Variants in TNFSF4 observed in about 807,000 individuals in gnomAD.
TNFSF4 encodes TNF superfamily member 4, also known as tumor necrosis factor ligand superfamily member 4.
A neutral mutation model predicts 7.3 loss-of-function variants in TNFSF4; 4 were observed. That is an observed-to-expected ratio of 0.55 (90% confidence interval 0.27 to 1.25). TNFSF4 has a LOEUF of 1.25. TNFSF4 is among the 50% of genes most tolerant of loss of function. The pLI, the probability that TNFSF4 is intolerant of heterozygous loss-of-function variation, is 0.12. For missense variants in TNFSF4, 181 were observed against 208.8 expected (o/e 0.87, Z 0.82); for synonymous variants, 76 against 83.7 (o/e 0.91, Z 0.50).
the TNFSF4 span, among the ~76,000 whole-genome samples, chr1:173,347,850 G>A: frequency 1.3e-5 from 2 of 152,156 alleles, no homozygotes; most frequent in East Asian, 3.9e-4. Context: ...AGAATTTAGG[G>A]CAGCACACCT....
the TNFSF4 span, among the ~76,000 whole-genome samples, chr1:173,309,943 AT>A: frequency 6.6e-6 from 1 of 151,908 alleles, no homozygotes; most frequent in Non-Finnish European, 1.5e-5. Context: ...TTTCACATAC[AT>A]TTTTAATGTA....
the TNFSF4 span, among the ~76,000 whole-genome samples, chr1:173,216,145 C>T: frequency 6.6e-6 from 1 of 152,174 alleles, no homozygotes; most frequent in Non-Finnish European, 1.5e-5. Flanking sequence ...TCCATAACAA[C>T]ATCTTACATC....
the TNFSF4 span, among the ~76,000 whole-genome samples, chr1:173,291,844 T>C: frequency 6.6e-6 from 1 of 151,944 alleles, no homozygotes. Context: ...GAAATATAAA[T>C]AGTCCTCAGA....
chr1:173,302,503 G>A, the TNFSF4 span, among the ~76,000 whole-genome samples: 2 of 151,690 alleles, frequency 1.3e-5, no homozygotes, highest in Non-Finnish European at 2.9e-5. Context: ...TCTCATTCCC[G>A]TTTTATAGAT....
At chr1:173,272,417 TG>T in the TNFSF4 span, among the ~76,000 whole-genome samples, 1 of 152,004 alleles carries the variant, frequency 6.6e-6, no homozygotes, top group Admixed American at 6.6e-5. Flanking sequence ...TGGAAAAAAT[TG>T]CATGCCCATT....
the TNFSF4 span, among the ~76,000 whole-genome samples, chr1:173,376,331 A>G: frequency 6.6e-6 from 1 of 152,310 alleles, no homozygotes; most frequent in East Asian, 1.9e-4. Context: ...CAGCAAAGTA[A>G]TACAGGAACA....
At chr1:173,227,633 C>T in the TNFSF4 span, among the ~76,000 whole-genome samples, 22 of 152,302 alleles carry the variant, frequency 1.4e-4, 1 homozygote, top group South Asian at 1.5e-3. Flanking sequence ...CAAAGCAGGG[C>T]GAGGCATCGC....
chr1:173,424,053 A>T, the TNFSF4 span, among the ~76,000 whole-genome samples: 5 of 152,266 alleles, frequency 3.3e-5, no homozygotes, highest in East Asian at 9.6e-4. Context: ...GAAAAGAACA[A>T]ACACTCCCTC....
rs1649178325 is a variant in TNFSF4, at chr1:173,185,385, G to A, written c.*1131C>T. ...TTCCATTGAAGCCCTGGCATAGGCT[G>A]ATTATAGACCCTTCTAGTTTCAATT... On this transcript the variant is annotated 3_prime_UTR_variant, in exon 3 of 3. Coordinates refer to ENST00000281834, the MANE Select transcript of TNFSF4 (RefSeq NM_003326.5). The A allele has an allele frequency of 6.6e-6, 1 of 152,160 alleles. No homozygotes were observed. Among genetic ancestry groups the A allele is most frequent in the Non-Finnish European group, 1.5e-5 (1 of 68,026 alleles). 9.4% of individuals were successfully genotyped at this position (152,160 alleles called of 1,614,324 possible). A position where few individuals can be genotyped will look rare whatever the true frequency, so the allele number is the denominator to read the frequency against.
the TNFSF4 span, among the ~76,000 whole-genome samples, chr1:173,288,571 A>G: frequency 6.6e-6 from 1 of 152,206 alleles, no homozygotes; most frequent in Non-Finnish European, 1.5e-5. Flanking sequence ...CTTTTCTCTC[A>G]TATACATGTG....
chr1:173,376,332 T>C, the TNFSF4 span, among the ~76,000 whole-genome samples: 5 of 152,022 alleles, frequency 3.3e-5, no homozygotes, highest in African/African-American at 4.8e-5. Context: ...AGCAAAGTAA[T>C]ACAGGAACAG....
Position 173,207,134 on chromosome 1 carries a change from C to A in TNFSF4, c.43G>T (p.Ala15Ser). Reference protein sequence around the residue: ...QPLEENVGNAARPRFERNKLL... With the variant: ...QPLEENVGNASRPRFERNKLL... The stretch of plus-strand genomic sequence containing the variant: ...TTGTTCCTCTCGAATCTTGGCCTGG[C>A]TGCATTTCCCACATTCTCTTCCAGG... Residue 15 changes from alanine to serine, a missense_variant, in exon 1 of 3, where the codon GCC (alanine) becomes TCC (serine). By Grantham distance (99) the Ala-to-Ser change is moderately conservative. Transcript: ENST00000281834. 6.2e-7 allele frequency: 1 copy of A among 1,613,830 alleles called. No individual in the cohort carries two copies. Among genetic ancestry groups the A allele is most frequent in the Non-Finnish European group, 8.5e-7 (1 of 1,179,836 alleles).
At chr1:173,424,300 G>C in the TNFSF4 span, among the ~76,000 whole-genome samples, 2 of 152,222 alleles carry the variant, frequency 1.3e-5, no homozygotes, top group African/African-American at 4.8e-5. Flanking sequence ...TCTATGGGAA[G>C]CATAAAGATG....
the TNFSF4 span, among the ~76,000 whole-genome samples, chr1:173,307,164 CA>C: frequency 1.3e-5 from 2 of 151,402 alleles, no homozygotes; most frequent in African/African-American, 4.8e-5. Flanking sequence ...TACTTTTTCC[CA>C]AAAATGCTGA....
the TNFSF4 span, among the ~76,000 whole-genome samples, chr1:173,263,773 G>A: frequency 1.3e-5 from 2 of 152,208 alleles, no homozygotes; most frequent in South Asian, 4.1e-4. Flanking sequence ...ATTAACCACT[G>A]AGTGTAGGCT....
chr1:173,218,451 G>A, the TNFSF4 span, among the ~76,000 whole-genome samples: 1 of 152,212 alleles, frequency 6.6e-6, no homozygotes, highest in African/African-American at 2.4e-5. Context: ...TCAGATGGCA[G>A]TGGGAAAGCC....
At chr1:173,326,257 G>A in the TNFSF4 span, among the ~76,000 whole-genome samples, 1 of 152,116 alleles carries the variant, frequency 6.6e-6, no homozygotes, top group Non-Finnish European at 1.5e-5. Context: ...CAGAACCAAA[G>A]ACAAAAACCA....
the TNFSF4 span, among the ~76,000 whole-genome samples, chr1:173,341,693 T>C: frequency 6.6e-6 from 1 of 152,324 alleles, no homozygotes; most frequent in African/African-American, 2.4e-5. Context: ...AAGTAACGTA[T>C]GTTAGTGGTA....
At chr1:173,427,161 G>A in the TNFSF4 span, among the ~76,000 whole-genome samples, 2 of 152,158 alleles carry the variant, frequency 1.3e-5, no homozygotes, top group Admixed American at 1.3e-4. Flanking sequence ...ATAGTGAATG[G>A]CCTAGGTCTC....
Sources: allele counts gnomAD v4.1 joint callset (sites outside exome capture counted in the v4.1 genomes callset), GRCh38; gene constraint gnomAD v4.1.1; transcripts MANE v1.5; gene names NCBI Gene and HGNC (gene_info 2026-07-23, HGNC 2026-07-21).